NEURL4: variants seen among roughly 807,000 people sequenced by gnomAD.
NEURL4 encodes the protein neuralized-like protein 4.
A neutral mutation model predicts 148.0 loss-of-function variants in NEURL4; 45 were observed. The ratio of observed to expected loss-of-function variants is 0.30; its 90% CI spans 0.24 to 0.39. NEURL4 has a LOEUF of 0.39. Among genes scored for constraint, NEURL4 ranks in the 10% least tolerant of loss-of-function variants. NEURL4 has a pLI of 1.00. For missense variants in NEURL4, 1,776 were observed against 2,144.0 expected, an observed-to-expected ratio of 0.83 and a Z score of 3.39; for synonymous variants, 854 against 869.0, an observed-to-expected ratio of 0.98 and a Z score of 0.30.
intron 8 of NEURL4, 65 bp downstream of exon 8, chr17:7,325,144 T>TTGGGGGGGGGGGGGGGGGGGGGGGGGGGG: frequency 3.1e-6 from 3 of 956,488 alleles, no homozygotes; most frequent in Non-Finnish European, 4.6e-6. Flanking sequence ...TCCACTTCCT[T>TTGGGGGGGGGGGGGGGGGGGGGGGGGGGG]GCCCCGCCCC....
At chr17:7,323,175 T>C in intron 14 of NEURL4, 52 bp from the exon 15 acceptor site, 1 of 1,575,664 alleles carries the variant, frequency 6.3e-7, no homozygotes, top group Admixed American at 1.7e-5. Flanking sequence ...AACTTCACAT[T>C]GGCCCCTGCC....
Position 7,326,619 on chromosome 17 carries a change from TC to T in NEURL4, c.1093-72del. On this transcript the variant is annotated intron_variant, in intron 4 of 28. Coordinates refer to ENST00000399464, the MANE Select transcript of NEURL4 (RefSeq NM_032442.3). This position sits in a 1 kb window ranked among gnomAD's most constrained non-coding sequence, Gnocchi z 6.0. ...AAAGGGACCTTCAGCCCTTGGTTCT[TC>T]CCCAGGGCCCACCCTCCTAGCACCA... The T allele has an allele frequency of 6.2e-7, 1 of 1,602,730 alleles. No homozygotes were observed. The highest frequency in any genetic ancestry group is 8.5e-7 in the Non-Finnish European group (1 of 1,170,618).
chr17:7,327,829 A>G lies in NEURL4; in HGVS notation c.338T>C (p.Val113Ala). The G allele has an allele frequency of 6.2e-7, 1 of 1,613,712 alleles. No homozygotes were observed. The highest frequency in any genetic ancestry group is 1.3e-5 in the African/African-American group (1 of 75,034). The change falls in exon 2 of 29, where the codon GTG becomes GCG. Residue 113 changes from valine to alanine, a missense_variant. Coordinates refer to ENST00000399464, the MANE Select transcript of NEURL4 (RefSeq NM_032442.3). The surrounding 1 kb of genome is among the most constrained non-coding windows in gnomAD (Gnocchi z 6.6). ...CGTGGCACTGCTTGGAAAGTCCAGC[A>G]CACTGGGGTCCAGCGCTGTCACCCC... ...EIGVTALDPS[V>A]LDFPSSATGL...
In NEURL4 at chr17:7,318,480, C is replaced by T. The variant is rs765990379; in HGVS notation, c.3864+15G>A. On this transcript the variant is annotated intron_variant, in intron 23 of 28. Coordinates refer to ENST00000399464, the MANE Select transcript of NEURL4 (RefSeq NM_032442.3). This position sits in a 1 kb window ranked among gnomAD's most constrained non-coding sequence, Gnocchi z 4.3. Reference sequence around the variant, plus strand: ...CTCTCAGGCACCCCTCCTCCCTGCCCCCACTGCCACTAACCTGCTCACACT... The same window carrying T: ...CTCTCAGGCACCCCTCCTCCCTGCCTCCACTGCCACTAACCTGCTCACACT... 4.5e-5 allele frequency: 72 copies of T among 1,600,634 alleles called. No homozygotes were observed. The highest frequency in any genetic ancestry group is 5.9e-5 in the Non-Finnish European group (69 of 1,171,854).
At position 7,323,543 on chromosome 17, in the gene NEURL4, C is replaced by G; in HGVS notation, c.2359G>C (p.Glu787Gln). ...IEAGVTAIRP[E>Q]DLEFPNTMTD... ...ATGGTGTTGGGGAATTCCAGGTCTT[C>G]AGGCCGAATAGCAGTCACTCCTGGG... is the stretch of plus-strand genomic sequence containing the variant. Residue 787 changes from glutamate (E) to glutamine (Q), a missense_variant, in exon 14 of 29, where the codon GAA (glutamate) becomes CAA (glutamine). Glu to Gln is a conservative substitution (Grantham distance 29). Transcript: ENST00000399464. The G allele has an allele frequency of 1.9e-6, 3 of 1,614,226 alleles. No individual in the cohort carries two copies. Among genetic ancestry groups the G allele is most frequent in the Non-Finnish European group, 2.5e-6 (3 of 1,180,046 alleles).
chr17:7,327,361 C>T lies in NEURL4; in HGVS notation c.727+79G>A. ...GACTTGGGGATCAGGGTGGCCCTGC[C>T]CACACCCAGCCTGTCTTGTCACTCT... On this transcript the variant is annotated intron_variant, in intron 2 of 28. Transcript: ENST00000399464. The surrounding 1 kb of genome is among the most constrained non-coding windows in gnomAD (Gnocchi z 6.6). 6.9e-7 allele frequency: 1 copy of T among 1,449,986 alleles called. No homozygotes were observed. The highest frequency in any genetic ancestry group is 9.4e-7 in the Non-Finnish European group (1 of 1,068,988). The allele number at this position is 1,449,986 out of a possible 1,614,324, so 89.8% of individuals were successfully genotyped here.
chr17:7,329,242 C>T lies in NEURL4; in HGVS notation c.71G>A (p.Gly24Asp), dbSNP rs943717222. The change falls in exon 1 of 29, where the codon GGC (glycine) becomes GAC (aspartate). Residue 24 changes from glycine (G) to aspartate (D), a missense_variant. Transcript: ENST00000399464. ...GPGPGPGGGG[G>D]PSGSGSGPGS... ...CGGTCCTGAGCCGCTCCCGCTGGGG[C>T]CCCCACCCCCGCCCGGCCCCGGTCC... 6.7e-7 allele frequency: 1 copy of T among 1,495,660 alleles called. No homozygotes were observed. Among genetic ancestry groups the T allele is most frequent in the Non-Finnish European group, 8.9e-7 (1 of 1,128,976 alleles). 92.6% of individuals were successfully genotyped at this position (1,495,660 alleles called of 1,614,324 possible).
rs2073045629 is a variant in NEURL4 at position 7,322,397 on chromosome 17, A to AT, written c.2725+337dup. ...GGTCTCAAACTCTTGTGCTCGAGAG[A>AT]TCCACCTGCCTTGAACTCCCAAAGT... On this transcript the variant is annotated intron_variant, in intron 16 of 28. Transcript: ENST00000399464. This position sits in a 1 kb window ranked among gnomAD's most constrained non-coding sequence, Gnocchi z 5.5. Among the ~76,000 whole-genome samples, 1 of 152,130 alleles carries AT rather than the reference A, an allele frequency of 6.6e-6. No individual in the cohort carries two copies. The highest frequency in any genetic ancestry group is 1.5e-5 in the Non-Finnish European group (1 of 68,016).
chr17:7,325,135 C>G, intron 8 of NEURL4, 74 bp downstream of exon 8: 1 of 1,462,710 alleles, frequency 6.8e-7, no homozygotes, highest in Non-Finnish European at 9.2e-7. Flanking sequence ...CCTCTGCCTT[C>G]CACTTCCTTG....
At position 7,317,457 on chromosome 17, in the gene NEURL4, G is replaced by C. The variant is rs1567617991; in HGVS notation, c.4318+4C>G. On this transcript the variant is annotated splice_donor_region_variant and intron_variant, in intron 27 of 28. Transcript: ENST00000399464. ...CCACCTTGCATGGGCCTACTCGCCA[G>C]TACCTGCTCCCAGCTCCCCTCGGTC... 1.9e-6 allele frequency: 3 copies of C among 1,614,080 alleles called. No individual in the cohort carries two copies. The highest frequency in any genetic ancestry group is 2.7e-5 in the African/African-American group (2 of 75,032).
intron 13 of NEURL4, 34 bp downstream of exon 13, chr17:7,323,613 C>G (rs775816510): frequency 1.1e-5 from 17 of 1,613,688 alleles, no homozygotes; most frequent in Non-Finnish European, 1.2e-5. Flanking sequence ...GCACAGACAT[C>G]CAACAGCCCC....
intron 21 of NEURL4, among the ~76,000 whole-genome samples, 165 bp from the exon 22 acceptor site, chr17:7,319,373 TC>T (rs2072996095): frequency 2.4e-5 from 2 of 83,962 alleles, no homozygotes; most frequent in Non-Finnish European, 4.9e-5. Context: ...TTTCTTTCCC[TC>T]TTTTTTTTTT....
Position 7,318,670 on chromosome 17 carries a change from C to T in NEURL4, c.3689G>A (p.Cys1230Tyr). Residue 1230 changes from cysteine to tyrosine, a missense_variant, in exon 23 of 29, where the codon TGC becomes TAC. Coordinates refer to ENST00000399464, the MANE Select transcript of NEURL4 (RefSeq NM_032442.3). The surrounding 1 kb of genome is among the most constrained non-coding windows in gnomAD (Gnocchi z 4.3). ...GTCCAGATTGGGCCCAAACTTCTCGCAGATCTGGGAGGAGAGACCGGCTGT... is the reference window on the plus strand; with the variant it reads ...GTCCAGATTGGGCCCAAACTTCTCGTAGATCTGGGAGGAGAGACCGGCTGT... The part of the protein sequence containing the change: ...RGVFHNGLKI[C>Y]EKFGPNLDTC... The T allele has an allele frequency of 6.2e-7, 1 of 1,607,180 alleles. No homozygotes were observed. Among genetic ancestry groups the T allele is most frequent in the Non-Finnish European group, 8.5e-7 (1 of 1,176,130 alleles).
intron 21 of NEURL4, among the ~76,000 whole-genome samples, chr17:7,320,523 A>T (rs1015798826): frequency 1.4e-4 from 22 of 152,162 alleles, no homozygotes; most frequent in Non-Finnish European, 2.6e-4. Context: ...ATATAGGATC[A>T]GGCATTTCTC....
At chr17:7,317,008 G>T (rs967715214) in intron 28 of NEURL4, among the ~76,000 whole-genome samples, 197 bp downstream of exon 28, 9 of 152,156 alleles carry the variant, frequency 5.9e-5, no homozygotes, top group Admixed American at 1.3e-4. Context: ...CAAGAGCAAG[G>T]TTCCTTTTTT....
rs1318822063 is a variant in NEURL4 at position 7,326,695 on chromosome 17, A to C, written c.1092+16T>G. On this transcript the variant is annotated intron_variant, in intron 4 of 28. Coordinates refer to ENST00000399464, the MANE Select transcript of NEURL4 (RefSeq NM_032442.3). The surrounding 1 kb of genome is among the most constrained non-coding windows in gnomAD (Gnocchi z 6.0). ...CCAGGGATAAGGCGCCAACCAGACCACAGGACTTTGCACACCTCAAACATC... is the reference window on the plus strand; with the variant it reads ...CCAGGGATAAGGCGCCAACCAGACCCCAGGACTTTGCACACCTCAAACATC... 6.2e-7 allele frequency: 1 copy of C among 1,608,684 alleles called. No individual in the cohort carries two copies. The highest frequency in any genetic ancestry group is 1.1e-5 in the South Asian group (1 of 90,708).
In NEURL4 at chr17:7,322,220, C is replaced by T. The variant is rs1296576884; in HGVS notation, c.2726-210G>A. ...TCACTCAGGCTGGAGTGCAGGGGCA[C>T]AGTCGTGGCTCACTGCAGCCTCGAC... On this transcript the variant is annotated intron_variant, in intron 16 of 28. Transcript: ENST00000399464. This position sits in a 1 kb window ranked among gnomAD's most constrained non-coding sequence, Gnocchi z 5.5. Among the ~76,000 whole-genome samples the T allele has an allele frequency of 1.3e-5, 2 of 152,148 alleles. No homozygotes were observed. The highest frequency in any genetic ancestry group is 4.8e-5 in the African/African-American group (2 of 41,412).
chr17:7,317,983 C>T (rs566593186), intron 25 of NEURL4, 51 bp from the exon 26 acceptor site: 1 of 1,613,492 alleles, frequency 6.2e-7, no homozygotes, highest in African/African-American at 1.3e-5. Context: ...ACCTCAACCA[C>T]AGTGGCACCC....
intron 21 of NEURL4, among the ~76,000 whole-genome samples, chr17:7,320,054 TCTC>T (rs1276710393): frequency 6.6e-6 from 1 of 151,838 alleles, no homozygotes; most frequent in Non-Finnish European, 1.5e-5. Context: ...ATGGTCTTGA[TCTC>T]CTGATCTCGT....
Sources: gnomAD v4.1 joint callset for allele counts (sites outside exome capture counted in the v4.1 genomes callset) on GRCh38, gnomAD v4.1.1 for gene constraint, Gnocchi (gnomAD v3.1) non-coding constraint, MANE v1.5 for transcripts, NCBI Gene and HGNC (gene_info 2026-07-23, HGNC 2026-07-21) for gene names.